KDM6A: variants seen among roughly 807,000 people sequenced by gnomAD.
KDM6A encodes lysine demethylase 6A, also known as lysine-specific demethylase 6A.
Under a neutral mutation model 117.6 loss-of-function variants are expected in KDM6A, and 11 were observed. The observed-to-expected ratio is 0.09, with a 90% confidence interval of 0.06 to 0.15. The LOEUF (loss-of-function observed/expected upper bound fraction) is 0.15. Ranked by LOEUF, KDM6A falls within the 10% of genes least tolerant of loss-of-function variation. The pLI is 1.00. For missense variants in KDM6A, 799 were observed against 1,077.3 expected, an observed-to-expected ratio of 0.74 and a Z score of 3.62; for synonymous variants, 384 against 396.1, an observed-to-expected ratio of 0.97 and a Z score of 0.36.
At chrX:45,109,009 A>AC (rs2046648434) in intron 28 of KDM6A, among the ~76,000 whole-genome samples, 1 of 101,826 alleles carries the variant, frequency 9.8e-6, no homozygotes, top group African/African-American at 3.6e-5. Context: ...TGGGAGATAT[A>AC]CCTAATGCTA....
At chrX:45,109,156 A>G (rs774751825) in intron 28 of KDM6A, among the ~76,000 whole-genome samples, 1 of 104,456 alleles carries the variant, frequency 9.6e-6, no homozygotes, top group Admixed American at 1.0e-4. Flanking sequence ...AAATAAATAA[A>G]TAAATAAATA....
At chrX:44,895,627 C>A (rs1205459422) in intron 2 of KDM6A, among the ~76,000 whole-genome samples, 1 of 107,920 alleles carries the variant, frequency 9.3e-6, no homozygotes, top group Admixed American at 1.0e-4. Context: ...TCTGATGTAA[C>A]AATTTGGTGC....
At chrX:45,041,496 G>A (rs1478937206) in intron 8 of KDM6A, among the ~76,000 whole-genome samples, 2 of 105,534 alleles carry the variant, frequency 1.9e-5, no homozygotes, top group East Asian at 3.1e-4. Flanking sequence ...CTTCCCAGAC[G>A]GGGTGGCTGC....
At chrX:44,930,107 T>C (rs2036541791) in intron 2 of KDM6A, among the ~76,000 whole-genome samples, 1 of 111,709 alleles carries the variant, frequency 9.0e-6, no homozygotes, top group African/African-American at 3.3e-5. Flanking sequence ...ATATCTTCTT[T>C]GGTGAGTACC....
chrX:45,040,490 C>T (rs1602683298), intron 8 of KDM6A, among the ~76,000 whole-genome samples: 14 of 73,476 alleles, frequency 1.9e-4, no homozygotes, highest in Non-Finnish European at 2.1e-4. Flanking sequence ...GCTGGCCAGG[C>T]GGGGGGCTGA....
At position 45,089,848 on chromosome X, in the gene KDM6A, C is replaced by A. The variant is rs1032649613; in HGVS notation, c.3810C>A (p.Val1270=). 6 of 1,208,396 alleles carry A rather than the reference C, an allele frequency of 5.0e-6. No homozygotes were observed. The highest frequency in any genetic ancestry group is 6.7e-6 in the Non-Finnish European group (6 of 894,249). The change falls in exon 26 of 30, where the codon GTC becomes GTA. Residue 1270 remains valine (V), a synonymous_variant. Transcript: ENST00000611820. Reference sequence around the variant, plus strand: ...TTATTCAGCGACCTGGAGATTTGGTCTGGATAAATGCAGGCACTGTTCATT... The same window carrying A: ...TTATTCAGCGACCTGGAGATTTGGTATGGATAAATGCAGGCACTGTTCATT... ...YRFIQRPGDL[V]WINAGTVHWV...
intron 17 of KDM6A, among the ~76,000 whole-genome samples, chrX:45,065,256 T>C (rs1013303644): frequency 1.8e-5 from 2 of 111,697 alleles, no homozygotes; most frequent in African/African-American, 6.5e-5. Context: ...GCTGTGCACA[T>C]TTGAGGAGAA....
chrX:44,902,658 G>A (rs1259297996), intron 2 of KDM6A, among the ~76,000 whole-genome samples: 1 of 112,292 alleles, frequency 8.9e-6, no homozygotes, highest in Non-Finnish European at 1.9e-5. Context: ...AAAGTGCTGG[G>A]ATTATAGGCG....
chrX:45,032,669 T>C (rs2042647806), intron 6 of KDM6A, among the ~76,000 whole-genome samples: 1 of 111,887 alleles, frequency 8.9e-6, no homozygotes, highest in Non-Finnish European at 1.9e-5. Context: ...CAGGCTGGTC[T>C]CGAACTCCTA....
intron 2 of KDM6A, among the ~76,000 whole-genome samples, chrX:44,894,412 AG>A (rs1224146629): frequency 1.8e-5 from 2 of 110,608 alleles, no homozygotes; most frequent in Admixed American, 9.7e-5. Flanking sequence ...TTTTTGACTG[AG>A]TTTTGGTAGT....
chrX:45,026,246 A>G (rs1305080237), intron 6 of KDM6A, among the ~76,000 whole-genome samples: 3 of 111,631 alleles, frequency 2.7e-5, no homozygotes, highest in Non-Finnish European at 5.6e-5. Context: ...ATCTTATTAT[A>G]CTCGACATGA....
Position 45,110,189 on chromosome X carries a change from T to C in KDM6A, c.4272T>C (p.Phe1424=). The C allele has an allele frequency of 4.1e-6, 5 of 1,211,351 alleles. No individual in the cohort carries two copies. The highest frequency in any genetic ancestry group is 4.5e-6 in the Non-Finnish European group (4 of 895,116). The stretch of plus-strand genomic sequence containing the variant: ...AAACAAGCGGAAACTTGGAAAACTT[T>C]GTGGTGCTAGAACAGTACAAAATGG... ...ARKTSGNLEN[F]VVLEQYKMED... The change falls in exon 29 of 30, where the codon TTT becomes TTC. Residue 1424 remains phenylalanine (F), a synonymous_variant. Transcript: ENST00000611820.
chrX:44,982,099 A>T (rs749675023), intron 4 of KDM6A, among the ~76,000 whole-genome samples: 4 of 107,928 alleles, frequency 3.7e-5, no homozygotes, highest in South Asian at 3.9e-4. Flanking sequence ...CCTTTTTCTT[A>T]TTTTTTTTTT....
Position 44,923,716 on chromosome X carries a change from C to CTGAT in KDM6A, c.226-37550_226-37547dup, listed in dbSNP as rs779070881. Among the ~76,000 whole-genome samples, 22 of 108,343 alleles carry CTGAT rather than the reference C, an allele frequency of 2.0e-4. 1 individual carries two copies. The highest frequency in any genetic ancestry group is 3.4e-4 in the African/African-American group (10 of 29,692). The allele number at this position is 108,343 out of a possible 115,157, so 94.1% of individuals were successfully genotyped here. A position where few individuals can be genotyped will look rare whatever the true frequency, so the allele number is the denominator to read the frequency against. On this transcript the variant is annotated intron_variant, in intron 2 of 29. Transcript: ENST00000611820. ...TGCGCCATCATGCTATCATGCCTGG[C>CTGAT]TGATTGATTGATTGATTGATTTAAG...
intron 27 of KDM6A, chrX:45,106,736 GC>G (rs2046542158): frequency 9.9e-6 from 3 of 302,276 alleles, no homozygotes; most frequent in Non-Finnish European, 1.9e-5. Flanking sequence ...TATGTTGTTA[GC>G]ATCCTAAGTA....
At chrX:45,099,640 A>C (rs2148248729) in intron 27 of KDM6A, among the ~76,000 whole-genome samples, 1 of 112,134 alleles carries the variant, frequency 8.9e-6, no homozygotes, top group African/African-American at 3.2e-5. Context: ...AAAACTTAAA[A>C]TTAGGGGTGA....
chrX:44,980,785 G>A (rs180894889), intron 4 of KDM6A, among the ~76,000 whole-genome samples: 3 of 107,929 alleles, frequency 2.8e-5, no homozygotes, highest in African/African-American at 1.0e-4. Flanking sequence ...GTGGATGCCC[G>A]TTAGTTTTTT....
chrX:44,936,940 CT>C (rs1282775666), intron 2 of KDM6A, among the ~76,000 whole-genome samples: 47 of 111,134 alleles, frequency 4.2e-4, no homozygotes, highest in African/African-American at 1.4e-3. Flanking sequence ...CTTTATCAGG[CT>C]TTAGAAGTAA....
intron 2 of KDM6A, among the ~76,000 whole-genome samples, chrX:44,891,948 C>T (rs1022480207): frequency 8.9e-6 from 1 of 112,298 alleles, no homozygotes; most frequent in African/African-American, 3.2e-5. Context: ...TATAAGCATG[C>T]CAGGGCAAAT....
Sources: allele counts gnomAD v4.1 joint callset (sites outside exome capture counted in the v4.1 genomes callset), GRCh38; gene constraint gnomAD v4.1.1; transcripts MANE v1.5; gene names NCBI Gene and HGNC (gene_info 2026-07-23, HGNC 2026-07-21).